Variants in SEMA5A observed in about 807,000 individuals in gnomAD.
SEMA5A encodes semaphorin-5A.
Under a neutral mutation model 135.5 loss-of-function variants are expected in SEMA5A, and 55 were observed. The ratio of observed to expected loss-of-function variants is 0.41; its 90% CI spans 0.33 to 0.51. The LOEUF (loss-of-function observed/expected upper bound fraction) is 0.51, where lower values mean the gene tolerates loss of function less well. Ranked by LOEUF, SEMA5A falls within the 20% of genes least tolerant of loss-of-function variation. The pLI is 0.37. For missense variants in SEMA5A, 1,290 were observed against 1,419.9 expected, an observed-to-expected ratio of 0.91 and a Z score of 1.47; for synonymous variants, 580 against 546.5, an observed-to-expected ratio of 1.06 and a Z score of -0.85.
In SEMA5A at chr5:9,035,295, T is replaced by C. The variant is rs2150005136; in HGVS notation, c.*7602A>G. On this transcript the variant is annotated 3_prime_UTR_variant, in exon 23 of 23. Coordinates refer to ENST00000382496, the MANE Select transcript of SEMA5A (RefSeq NM_003966.3). ...ATGAATAGGGTTGAGATACAGAAAC[T>C]GTCAATGCACCAAGAGCAGTAAGAG... is the stretch of plus-strand genomic sequence containing the variant. 6.6e-6 allele frequency: 1 copy of C among 152,302 alleles called. No homozygotes were observed. Among genetic ancestry groups the C allele is most frequent in the East Asian group, 1.9e-4 (1 of 5,176 alleles). 9.4% of individuals were successfully genotyped at this position (152,302 alleles called of 1,614,324 possible).
intron 16 of SEMA5A, among the ~76,000 whole-genome samples, chr5:9,105,332 T>A (rs1347319149): frequency 6.6e-6 from 1 of 152,240 alleles, no homozygotes; most frequent in Non-Finnish European, 1.5e-5. Flanking sequence ...AATCCTTTCA[T>A]GAAATTTCAG....
chr5:9,120,339 A>G (rs969003248), intron 14 of SEMA5A, among the ~76,000 whole-genome samples: 1 of 152,106 alleles, frequency 6.6e-6, no homozygotes, highest in Non-Finnish European at 1.5e-5. Context: ...GCTATAAATA[A>G]TATGTTGAAT....
intron 13 of SEMA5A, among the ~76,000 whole-genome samples, chr5:9,124,062 G>A (rs1184496816): frequency 6.6e-6 from 1 of 152,118 alleles, no homozygotes; most frequent in African/African-American, 2.4e-5. Context: ...AAGGGCACAT[G>A]GGCATTCCCC....
At chr5:9,388,847 T>C (rs1241719574) in intron 2 of SEMA5A, among the ~76,000 whole-genome samples, 1 of 149,278 alleles carries the variant, frequency 6.7e-6, no homozygotes, top group Non-Finnish European at 1.5e-5. Flanking sequence ...TGCAGTGAGC[T>C]GAGATCTCGC....
rs1296604880 is a variant in SEMA5A, at chr5:9,204,271, A to G, written c.647-2031T>C. ...CAAAGAGAGAAGGCGTAAGGGTCCAAGTGTGTCTAGCCCGGGACTTAGGTT... is the reference window on the plus strand; with the variant it reads ...CAAAGAGAGAAGGCGTAAGGGTCCAGGTGTGTCTAGCCCGGGACTTAGGTT... On this transcript the variant is annotated intron_variant, in intron 8 of 22. Coordinates refer to ENST00000382496, the MANE Select transcript of SEMA5A (RefSeq NM_003966.3). The surrounding 1 kb of genome is among the most constrained non-coding windows in gnomAD (Gnocchi z 6.4). Among the ~76,000 whole-genome samples, 3 of 152,198 alleles carry G rather than the reference A, an allele frequency of 2.0e-5. No individual in the cohort carries two copies. The highest frequency in any genetic ancestry group is 2.9e-5 in the Non-Finnish European group (2 of 68,038).
At chr5:9,059,170 T>A (rs1475601686) in intron 18 of SEMA5A, among the ~76,000 whole-genome samples, 1 of 144,610 alleles carries the variant, frequency 6.9e-6, no homozygotes, top group Non-Finnish European at 1.5e-5. Context: ...CATTTTCTTT[T>A]CTTTTTTTTT....
At chr5:9,484,036 G>T (rs1351470887) in intron 1 of SEMA5A, among the ~76,000 whole-genome samples, 1 of 152,152 alleles carries the variant, frequency 6.6e-6, no homozygotes, top group Non-Finnish European at 1.5e-5. Flanking sequence ...CGGGAAGGCA[G>T]GGTCCCAGGA....
intron 15 of SEMA5A, among the ~76,000 whole-genome samples, chr5:9,113,774 G>C (rs746273000): frequency 6.6e-6 from 1 of 152,126 alleles, no homozygotes; most frequent in Non-Finnish European, 1.5e-5. Flanking sequence ...CTACTAGGAT[G>C]GATAAAATTA....
chr5:9,281,367 G>T (rs1239962194), intron 5 of SEMA5A, among the ~76,000 whole-genome samples: 2 of 152,148 alleles, frequency 1.3e-5, no homozygotes, highest in Non-Finnish European at 1.5e-5. Context: ...CCCAAATAGG[G>T]ATAGTTTTGC....
At chr5:9,471,553 A>G (rs775907929) in intron 1 of SEMA5A, among the ~76,000 whole-genome samples, 8 of 152,318 alleles carry the variant, frequency 5.3e-5, no homozygotes, top group Middle Eastern at 6.8e-3. Flanking sequence ...AAGACTAGAA[A>G]TAACTTACGA....
Position 9,202,244 on chromosome 5 carries a change from G to T in SEMA5A, c.647-4C>A, listed in dbSNP as rs1431019080. 1 of 1,609,448 alleles carries T rather than the reference G, an allele frequency of 6.2e-7. No individual in the cohort carries two copies. The highest frequency in any genetic ancestry group is 8.5e-7 in the Non-Finnish European group (1 of 1,176,756). ...TAAGATGACACAAAGTTTGGCTCTG[G>T]AAACAATAGAAAAGAGGGAAAAAAT... On this transcript the variant is annotated splice_region_variant and splice_polypyrimidine_tract_variant and intron_variant, in intron 8 of 22. Transcript: ENST00000382496.
At chr5:9,079,283 A>G (rs998958220) in intron 16 of SEMA5A, among the ~76,000 whole-genome samples, 1 of 152,170 alleles carries the variant, frequency 6.6e-6, no homozygotes, top group African/African-American at 2.4e-5. Context: ...AACTACATGG[A>G]AACTGAACAA....
chr5:9,199,789 AC>A (rs1162089315), intron 9 of SEMA5A, among the ~76,000 whole-genome samples: 3 of 152,224 alleles, frequency 2.0e-5, no homozygotes, highest in Admixed American at 6.5e-5. Context: ...ATTTTTAGAT[AC>A]CTAGAAATAA....
At chr5:9,415,619 C>G (rs1317048519) in intron 2 of SEMA5A, among the ~76,000 whole-genome samples, 1 of 151,708 alleles carries the variant, frequency 6.6e-6, no homozygotes, top group Non-Finnish European at 1.5e-5. Flanking sequence ...TATCAAAAGG[C>G]AATAAAGAGA....
At chr5:9,220,375 A>G (rs1561036150) in intron 8 of SEMA5A, among the ~76,000 whole-genome samples, 1 of 152,166 alleles carries the variant, frequency 6.6e-6, no homozygotes, top group South Asian at 2.1e-4. Flanking sequence ...AGAAAAAACA[A>G]CAAAAAAACT....
intron 12 of SEMA5A, among the ~76,000 whole-genome samples, chr5:9,151,096 A>G (rs914290151): frequency 4.6e-5 from 7 of 152,194 alleles, no homozygotes; most frequent in Non-Finnish European, 1.0e-4. Flanking sequence ...AACAATGGAT[A>G]TGGTATGCTA....
chr5:9,383,743 A>T (rs1755713820), intron 2 of SEMA5A, among the ~76,000 whole-genome samples: 1 of 152,236 alleles, frequency 6.6e-6, no homozygotes. Flanking sequence ...GGCATCATCC[A>T]GACCTGCTTG....
intron 5 of SEMA5A, among the ~76,000 whole-genome samples, chr5:9,278,688 T>A (rs1190576081): frequency 6.6e-6 from 1 of 152,166 alleles, no homozygotes; most frequent in Non-Finnish European, 1.5e-5. Flanking sequence ...GTGCCCTGTA[T>A]CACACATGCC....
intron 11 of SEMA5A, among the ~76,000 whole-genome samples, chr5:9,162,562 G>A (rs1011027589): frequency 0.16 from 9,725 of 62,054 alleles, 1,107 homozygotes; most frequent in African/African-American, 0.34. Flanking sequence ...GTGTGTGTGT[G>A]TGTATATATA....
Sources: allele counts gnomAD v4.1 joint callset (sites outside exome capture counted in the v4.1 genomes callset), GRCh38; gene constraint gnomAD v4.1.1; non-coding constraint Gnocchi (gnomAD v3.1); transcripts MANE v1.5; gene names NCBI Gene and HGNC (gene_info 2026-07-23, HGNC 2026-07-21).